The following C18orf54 variants were observed in gnomAD, a reference collection of about 807,000 sequenced individuals.
C18orf54 encodes the protein chromosome 18 open reading frame 54, also known as lung adenoma susceptibility protein 2.
C18orf54 carries 49 observed loss-of-function variants against 49.3 expected under a neutral mutation model. The ratio of observed to expected loss-of-function variants is 0.99; its 90% CI spans 0.79 to 1.26. The LOEUF (loss-of-function observed/expected upper bound fraction) is 1.26. C18orf54 is among the 50% of genes most tolerant of loss of function. The pLI is 0.00. For missense variants in C18orf54, 687 were observed against 620.6 expected, an observed-to-expected ratio of 1.11 and a Z score of -1.14; for synonymous variants, 211 against 216.6, an observed-to-expected ratio of 0.97 and a Z score of 0.23.
intron 6 of C18orf54, 78 bp downstream of exon 6, chr18:54,365,899 G>T: frequency 1.3e-6 from 1 of 788,940 alleles, no homozygotes. Context: ...AAGTTACTTA[G>T]ATAATTTAAA....
Position 54,362,537 on chromosome 18 carries a change from C to T in C18orf54, c.1072+106C>T, listed in dbSNP as rs561347486. Reference sequence around the variant, plus strand: ...TCTGGGAGCTTTTATGTTTTGTTTTCATGTAATACATCTTTTTGGAATGCT... The same window carrying T: ...TCTGGGAGCTTTTATGTTTTGTTTTTATGTAATACATCTTTTTGGAATGCT... On this transcript the variant is annotated intron_variant, in intron 4 of 8. Coordinates refer to ENST00000620105, the MANE Select transcript of C18orf54 (RefSeq NM_001288980.2). 5.0e-6 allele frequency: 5 copies of T among 1,002,916 alleles called. No homozygotes were observed. The East Asian group carries it at 8.1e-5, about 16-fold the overall frequency. The allele number at this position is 1,002,916 out of a possible 1,614,324, so 62.1% of individuals were successfully genotyped here.
At chr18:54,362,635 C>T in intron 4 of C18orf54, 136 bp from the exon 5 acceptor site, 3 of 936,718 alleles carry the variant, frequency 3.2e-6, no homozygotes, top group Non-Finnish European at 4.6e-6. Context: ...CTTGAAATGT[C>T]ACATTTTAAC....
rs1336887805 is a variant in C18orf54, at chr18:54,361,691, GA to G, written c.334del (p.Arg112AspfsTer7). ...HKKHSNFISC[R>X]RHTVNDIDSM... ...AAGCACTCAAACTTCATATCCTGTA[GA>G]AGACACACCGTTAATGACATAGACT... On this transcript the variant is annotated frameshift_variant, in exon 4 of 9. Transcript: ENST00000620105. LOFTEE classifies it high-confidence loss of function. 3 of 1,612,570 alleles carry G rather than the reference GA, an allele frequency of 1.9e-6. No individual in the cohort carries two copies. In the African/African-American group the frequency reaches 4.0e-5, roughly 22 times the overall value.
intron 5 of C18orf54, among the ~76,000 whole-genome samples, chr18:54,363,485 T>C (rs573673091): frequency 8.1e-4 from 124 of 152,178 alleles, no homozygotes; most frequent in African/African-American, 2.9e-3. Flanking sequence ...GCCCAGCTAA[T>C]TTTTGTATTT....
intron 6 of C18orf54, among the ~76,000 whole-genome samples, chr18:54,370,476 C>G (rs2144742530): frequency 6.6e-6 from 1 of 152,246 alleles, no homozygotes; most frequent in East Asian, 1.9e-4. Flanking sequence ...GTCCTGGAAA[C>G]AGTCTCCCAA....
At chr18:54,375,614 T>C (rs1175981413) in intron 8 of C18orf54, among the ~76,000 whole-genome samples, 2 of 151,828 alleles carry the variant, frequency 1.3e-5, no homozygotes, top group Admixed American at 1.3e-4. Context: ...TGGTGAAAAC[T>C]AACAGTGGAT....
chr18:54,376,084 G>A (rs1376931404), intron 8 of C18orf54, among the ~76,000 whole-genome samples: 1 of 152,090 alleles, frequency 6.6e-6, no homozygotes, highest in African/African-American at 2.4e-5. Context: ...TATTTCAAAA[G>A]TTACTGATTA....
At chr18:54,366,717 C>G (rs1017578810) in intron 6 of C18orf54, among the ~76,000 whole-genome samples, 7 of 151,794 alleles carry the variant, frequency 4.6e-5, no homozygotes, top group Non-Finnish European at 7.4e-5. Flanking sequence ...TTTGAGGAAT[C>G]TTCATACTGT....
chr18:54,372,513 G>C lies in C18orf54; in HGVS notation c.1374G>C (p.Leu458=). Residue 458 remains leucine (L), a synonymous_variant, in exon 7 of 9, where the codon CTG becomes CTC. Transcript: ENST00000620105. Reference sequence around the variant, plus strand: ...AACATCATGGTCCTGTTGAAGCCCTGAAACAAATGTTATTTAACCTTCAAG... The same window carrying C: ...AACATCATGGTCCTGTTGAAGCCCTCAAACAAATGTTATTTAACCTTCAAG... The part of the protein sequence containing the change: ...GGKHHGPVEA[L]KQMLFNLQAV... 1 of 1,610,798 alleles carries C rather than the reference G, an allele frequency of 6.2e-7. No homozygotes were observed. Among genetic ancestry groups the C allele is most frequent in the Non-Finnish European group, 8.5e-7 (1 of 1,177,890 alleles).
In C18orf54 at chr18:54,362,310, CTT is replaced by C; in HGVS notation, c.954_955del (p.Ser319LysfsTer5). On this transcript the variant is annotated frameshift_variant, in exon 4 of 9. Transcript: ENST00000620105. LOFTEE classifies it high-confidence loss of function. ...CFEYAFEPSN[F>X]SNSLSDDKEL... ...TTGAATATGCTTTTGAACCCTCAAA[CTT>C]TTCAAATTCCTTGAGTGATGATAAA... 2.0e-6 allele frequency: 3 copies of C among 1,536,210 alleles called. No homozygotes were observed. The highest frequency in any genetic ancestry group is 2.6e-6 in the Non-Finnish European group (3 of 1,146,874).
In C18orf54 at chr18:54,365,707, A is replaced by G. The variant is rs1356961409; in HGVS notation, c.1224-12A>G. The G allele has an allele frequency of 2.6e-6, 4 of 1,527,336 alleles. No homozygotes were observed. Among genetic ancestry groups the G allele is most frequent in the African/African-American group, 1.4e-5 (1 of 73,382 alleles). The allele number at this position is 1,527,336 out of a possible 1,614,324, so 94.6% of individuals were successfully genotyped here. On this transcript the variant is annotated splice_polypyrimidine_tract_variant and intron_variant, in intron 5 of 8. Transcript: ENST00000620105. ...CTTAATTGCTATCTTGCATCCTTTAAATCCTGTTTAGCAAATCTCCTGTTC... is the reference window on the plus strand; with the variant it reads ...CTTAATTGCTATCTTGCATCCTTTAGATCCTGTTTAGCAAATCTCCTGTTC...
Position 54,358,819 on chromosome 18 carries a change from C to T in C18orf54, c.-98C>T, listed in dbSNP as rs949461421. The T allele has an allele frequency of 6.6e-6, 1 of 152,170 alleles. No individual in the cohort carries two copies. Among genetic ancestry groups the T allele is most frequent in the Non-Finnish European group, 1.5e-5 (1 of 68,036 alleles). 9.4% of individuals were successfully genotyped at this position (152,170 alleles called of 1,614,324 possible). On this transcript the variant is annotated 5_prime_UTR_variant, in exon 2 of 9. Transcript: ENST00000620105. ...ATAAGTTTAACATTCTGTTCTTCCG[C>T]GTGATGGATTTTCTTTTGGAGATTC...
At chr18:54,370,073 G>A (rs2089459207) in intron 6 of C18orf54, among the ~76,000 whole-genome samples, 1 of 151,894 alleles carries the variant, frequency 6.6e-6, no homozygotes, top group Non-Finnish European at 1.5e-5. Flanking sequence ...TCAGGAGATC[G>A]AGACCATCCT....
intron 8 of C18orf54, among the ~76,000 whole-genome samples, chr18:54,375,419 A>C: frequency 6.7e-6 from 1 of 150,148 alleles, no homozygotes; most frequent in Non-Finnish European, 1.5e-5. Context: ...AATGATAGTG[A>C]TGAATTATTC....
intron 6 of C18orf54, among the ~76,000 whole-genome samples, chr18:54,367,999 A>T (rs1372029428): frequency 6.6e-6 from 1 of 151,958 alleles, no homozygotes; most frequent in Non-Finnish European, 1.5e-5. Flanking sequence ...AATTCCATTC[A>T]TCGAATTCTT....
In C18orf54 at chr18:54,357,942, C is replaced by G. The variant is rs768040409; in HGVS notation, c.-277C>G. 4.6e-5 allele frequency: 7 copies of G among 152,428 alleles called. No homozygotes were observed. Among genetic ancestry groups the G allele is most frequent in the East Asian group, 1.9e-4 (1 of 5,174 alleles). 9.4% of individuals were successfully genotyped at this position (152,428 alleles called of 1,614,324 possible). A position where few individuals can be genotyped will look rare whatever the true frequency, so the allele number is the denominator to read the frequency against. ...GCGGTTTGAAAGCGAGCGCGGGTGT[C>G]GAGCTCTGCTGTGACTGCGGAGGAA... On this transcript the variant is annotated 5_prime_UTR_variant, in exon 1 of 9. Transcript: ENST00000620105.
intron 7 of C18orf54, among the ~76,000 whole-genome samples, chr18:54,373,808 T>C (rs1033744858): frequency 6.6e-6 from 1 of 151,884 alleles, no homozygotes; most frequent in African/African-American, 2.4e-5. Context: ...GATCAGCTTT[T>C]GAGAACCTTC....
intron 8 of C18orf54, among the ~76,000 whole-genome samples, chr18:54,377,128 T>C (rs1167023859): frequency 6.6e-6 from 1 of 151,994 alleles, no homozygotes; most frequent in African/African-American, 2.4e-5. Flanking sequence ...CTCCACCTCC[T>C]GGCAAGCGAT....
chr18:54,360,807 T>A lies in C18orf54; in HGVS notation c.235T>A (p.Phe79Ile). The A allele has an allele frequency of 1.9e-6, 3 of 1,613,290 alleles. No individual in the cohort carries two copies. Among genetic ancestry groups the A allele is most frequent in the Non-Finnish European group, 2.5e-6 (3 of 1,179,398 alleles). ...STGKINIDED[F>I]TNMSQFCNYI... The stretch of plus-strand genomic sequence containing the variant: ...TGGAAAAATTAACATTGATGAGGAT[T>A]TTACTAATATGTCACAGTTCTGCAA... The change falls in exon 3 of 9, where the codon TTT (phenylalanine) becomes ATT (isoleucine). Residue 79 changes from phenylalanine (F) to isoleucine (I), a missense_variant. By Grantham distance (21) the Phe-to-Ile change is conservative (BLOSUM62 0). Transcript: ENST00000620105.
Sources: allele counts gnomAD v4.1 joint callset (sites outside exome capture counted in the v4.1 genomes callset), GRCh38; gene constraint gnomAD v4.1.1; transcripts MANE v1.5; gene names NCBI Gene and HGNC (gene_info 2026-07-23, HGNC 2026-07-21).